The following PDGFRL variants were observed in gnomAD, a reference collection of about 807,000 sequenced individuals.
PDGFRL encodes platelet derived growth factor receptor like.
A neutral mutation model predicts 37.2 loss-of-function variants in PDGFRL; 46 were observed. The observed-to-expected ratio is 1.24, with a 90% confidence interval of 0.98 to 1.58. PDGFRL has a LOEUF of 1.58. Among genes scored for constraint, PDGFRL ranks in the 40% most tolerant of loss-of-function variants. PDGFRL has a pLI of 0.00. For synonymous variants in PDGFRL, 251 were observed against 184.3 expected (o/e 1.36, Z -2.93); for missense variants, 692 against 467.6 (o/e 1.48, Z -4.43).
intron 1 of PDGFRL, among the ~76,000 whole-genome samples, chr8:17,584,127 G>C (rs963931904): frequency 3.9e-5 from 6 of 152,160 alleles, no homozygotes; most frequent in South Asian, 4.1e-4. Flanking sequence ...CTGTTTTCAA[G>C]ATGAAGTCAA....
upstream of PDGFRL, chr8:17,577,168 G>T: frequency 6.5e-7 from 1 of 1,541,250 alleles, no homozygotes; most frequent in Non-Finnish European, 8.7e-7. Flanking sequence ...CGTCCCAGGA[G>T]CCCGCCCCTC....
chr8:17,628,054 C>A (rs558254809), intron 3 of PDGFRL, among the ~76,000 whole-genome samples: 7 of 130,422 alleles, frequency 5.4e-5, no homozygotes, highest in African/African-American at 1.8e-4. Flanking sequence ...AGTGCAGTGG[C>A]GCTATCTCGG....
chr8:17,603,492 A>C (rs964501060), intron 2 of PDGFRL, among the ~76,000 whole-genome samples: 3 of 152,210 alleles, frequency 2.0e-5, no homozygotes, highest in Non-Finnish European at 2.9e-5. Flanking sequence ...TTTTACCTCC[A>C]GACTCAGTCC....
At chr8:17,609,279 G>T (rs565370048) in intron 2 of PDGFRL, among the ~76,000 whole-genome samples, 27 of 152,070 alleles carry the variant, frequency 1.8e-4, no homozygotes, top group Non-Finnish European at 3.8e-4. Flanking sequence ...GGCTGAGGCT[G>T]GTGGATCACC....
intron 2 of PDGFRL, among the ~76,000 whole-genome samples, chr8:17,608,596 G>A (rs1295895159): frequency 6.6e-6 from 1 of 152,168 alleles, no homozygotes; most frequent in Non-Finnish European, 1.5e-5. Flanking sequence ...GGTCTGCTGA[G>A]GAGAATGCAC....
intron 2 of PDGFRL, among the ~76,000 whole-genome samples, chr8:17,617,186 C>A (rs557236243): frequency 2.0e-4 from 31 of 152,260 alleles, no homozygotes; most frequent in African/African-American, 7.2e-4. Context: ...ATGGACTTGG[C>A]CATCACTGAG....
At chr8:17,593,902 A>T (rs34712490) in intron 2 of PDGFRL, among the ~76,000 whole-genome samples, 127,852 of 149,074 alleles carry the variant, frequency 0.86, 56,555 homozygotes, top group Non-Finnish European at 0.97. Context: ...AAAAAAAAAG[A>T]AAAAAAAAGA....
rs750240133 is a variant in PDGFRL, at chr8:17,628,744, CAGA to C, written c.764_766del (p.Gln255_Ile256delinsLeu). ...CAGGGCGGAGGCCGGGGGCAGATCT[CAGA>C]TCTCCGTCAAGTACCAGCTGCTCTA... On this transcript the variant is annotated inframe_deletion, in exon 4 of 6. Coordinates refer to ENST00000251630, the MANE Select transcript of PDGFRL (RefSeq NM_001372073.1). 1 of 1,614,030 alleles carries C rather than the reference CAGA, an allele frequency of 6.2e-7. No homozygotes were observed. Among genetic ancestry groups the C allele is most frequent in the South Asian group, 1.1e-5 (1 of 91,078 alleles).
At position 17,601,869 on chromosome 8, in the gene PDGFRL, T is replaced by C. The variant is rs10113351; in HGVS notation, c.353+12104T>C. Among the ~76,000 whole-genome samples the C allele has an allele frequency of 4.5e-3, 679 of 152,324 alleles. 4 individuals carry two copies. Among genetic ancestry groups the C allele is most frequent in the African/African-American group, 0.016 (657 of 41,570 alleles). On this transcript the variant is annotated intron_variant, in intron 2 of 5. Transcript: ENST00000251630. Reference sequence around the variant, plus strand: ...CACATTTTCTTTATGCAGTCTACTATTGATGGGCATCTAGGTTGATTCCTT... The same window carrying C: ...CACATTTTCTTTATGCAGTCTACTACTGATGGGCATCTAGGTTGATTCCTT...
intron 2 of PDGFRL, among the ~76,000 whole-genome samples, chr8:17,593,670 G>A (rs1334189724): frequency 2.6e-5 from 4 of 151,766 alleles, no homozygotes; most frequent in Non-Finnish European, 2.9e-5. Context: ...TGAGGCGGGC[G>A]GATCACCGGA....
rs1241705839 is a variant in PDGFRL, at chr8:17,595,247, G to C, written c.353+5482G>C. On this transcript the variant is annotated intron_variant, in intron 2 of 5. Coordinates refer to ENST00000251630, the MANE Select transcript of PDGFRL (RefSeq NM_001372073.1). ...CCCAAATGCCAGAGGGAGCCTCCTT[G>C]CCCTCCCTCCCTGCCCACCATCCCC... is the stretch of plus-strand genomic sequence containing the variant. Among the ~76,000 whole-genome samples, 3 of 152,182 alleles carry C rather than the reference G, an allele frequency of 2.0e-5. No individual in the cohort carries two copies. In the East Asian group the frequency reaches 5.8e-4, roughly 30 times the overall value.
intron 2 of PDGFRL, among the ~76,000 whole-genome samples, chr8:17,610,621 A>T (rs1804390825): frequency 6.6e-6 from 1 of 152,180 alleles, no homozygotes; most frequent in South Asian, 2.1e-4. Flanking sequence ...TCAAATTTAC[A>T]TGAGAAGGGC....
chr8:17,602,812 G>A (rs1200369078), intron 2 of PDGFRL, among the ~76,000 whole-genome samples: 1 of 152,060 alleles, frequency 6.6e-6, no homozygotes, highest in South Asian at 2.1e-4. Context: ...GCTACAACTG[G>A]CTTCCTATCA....
Position 17,599,826 on chromosome 8 carries a change from C to A in PDGFRL, c.353+10061C>A, listed in dbSNP as rs548437131. On this transcript the variant is annotated intron_variant, in intron 2 of 5. Coordinates refer to ENST00000251630, the MANE Select transcript of PDGFRL (RefSeq NM_001372073.1). ...CATATGTCCTCCTTCCCTGATCTACCAGTGACGGGAAGAAGGATGAGGATT... is the reference window on the plus strand; with the variant it reads ...CATATGTCCTCCTTCCCTGATCTACAAGTGACGGGAAGAAGGATGAGGATT... Among the ~76,000 whole-genome samples the A allele has an allele frequency of 1.3e-5, 2 of 152,272 alleles. 1 individual carries two copies. Among genetic ancestry groups the A allele is most frequent in the South Asian group, 4.1e-4 (2 of 4,820 alleles).
chr8:17,584,097 A>C (rs1803765702), intron 1 of PDGFRL, among the ~76,000 whole-genome samples: 1 of 152,184 alleles, frequency 6.6e-6, no homozygotes, highest in South Asian at 2.1e-4. Context: ...GATGGAAGGA[A>C]AAGAGGCTGA....
rs906778842 is a variant in PDGFRL, at chr8:17,605,551, G to A, written c.354-15500G>A. ...GTAAAGCCAGAGAATTCTTGGCACC[G>A]CGCTGAGCCAGGGAAGAAAATGAGA... On this transcript the variant is annotated intron_variant, in intron 2 of 5. Transcript: ENST00000251630. 2.6e-5 allele frequency among the ~76,000 whole-genome samples: 4 copies of A among 152,154 alleles called. No homozygotes were observed. In the South Asian group the frequency reaches 6.2e-4, roughly 24 times the overall value.
At chr8:17,591,292 G>C (rs1369616290) in intron 2 of PDGFRL, among the ~76,000 whole-genome samples, 1 of 152,252 alleles carries the variant, frequency 6.6e-6, no homozygotes, top group African/African-American at 2.4e-5. Context: ...CAGGAGGCTA[G>C]GCTTCTAGAC....
At chr8:17,610,518 C>T (rs537463867) in intron 2 of PDGFRL, among the ~76,000 whole-genome samples, 1 of 152,262 alleles carries the variant, frequency 6.6e-6, no homozygotes, top group Non-Finnish European at 1.5e-5. Context: ...CCCTCTGGTT[C>T]CAAGCATTTT....
intron 2 of PDGFRL, among the ~76,000 whole-genome samples, chr8:17,611,785 C>T (rs911958342): frequency 6.6e-6 from 1 of 152,120 alleles, no homozygotes; most frequent in Non-Finnish European, 1.5e-5. Flanking sequence ...ATATCTGATA[C>T]GTGATGAAAG....
Sources: allele counts gnomAD v4.1 joint callset (sites outside exome capture counted in the v4.1 genomes callset), GRCh38; gene constraint gnomAD v4.1.1; transcripts MANE v1.5; gene names NCBI Gene and HGNC (gene_info 2026-07-23, HGNC 2026-07-21).